Variants in DMD observed in about 807,000 individuals in gnomAD.
The protein encoded by DMD is dystrophin, also known as mutant dystrophin.
In DMD, 63 loss-of-function variants were observed where a neutral mutation model predicts 330.1. The ratio of observed to expected loss-of-function variants is 0.19; its 90% CI spans 0.16 to 0.24. DMD has a LOEUF of 0.24. Among genes scored for constraint, DMD ranks in the 10% least tolerant of loss-of-function variants. The pLI is 1.00. For missense variants in DMD, 3,344 were observed against 2,684.1 expected, an observed-to-expected ratio of 1.25 and a Z score of -5.43; for synonymous variants, 1,223 against 959.8, an observed-to-expected ratio of 1.27 and a Z score of -5.07.
At chrX:31,510,741 C>A (rs1319141882) in intron 55 of DMD, among the ~76,000 whole-genome samples, 1 of 110,190 alleles carries the variant, frequency 9.1e-6, no homozygotes, top group African/African-American at 3.3e-5. Context: ...GATCTCCTGA[C>A]CTCGTGATCC....
At chrX:32,197,000 A>AAAAAAAAAAAAAC (rs1557206020) in intron 44 of DMD, among the ~76,000 whole-genome samples, 1 of 93,901 alleles carries the variant, frequency 1.1e-5, no homozygotes, top group Non-Finnish European at 2.1e-5. Flanking sequence ...AAAAAAAAAA[A>AAAAAAAAAAAAAC]AAAAACAAAA....
At chrX:33,125,203 T>C (rs2095456160) in intron 1 of DMD, among the ~76,000 whole-genome samples, 1 of 110,435 alleles carries the variant, frequency 9.1e-6, no homozygotes, top group Non-Finnish European at 1.9e-5. Flanking sequence ...ATTAGAAATA[T>C]GGTACACTTG....
At chrX:31,598,859 T>G (rs914325507) in intron 55 of DMD, among the ~76,000 whole-genome samples, 30 of 112,205 alleles carry the variant, frequency 2.7e-4, no homozygotes, top group African/African-American at 9.7e-4. Flanking sequence ...TATAATAAAT[T>G]CTTATAAAGT....
chrX:32,621,847 C>A (rs939695945), intron 11 of DMD, among the ~76,000 whole-genome samples: 7 of 111,208 alleles, frequency 6.3e-5, no homozygotes, highest in Admixed American at 2.9e-4. Flanking sequence ...ATCAGCCCAT[C>A]CCCTAGAAAC....
chrX:31,326,461 T>C (rs1320568001), intron 61 of DMD, among the ~76,000 whole-genome samples: 1 of 110,213 alleles, frequency 9.1e-6, no homozygotes, highest in Non-Finnish European at 1.9e-5. Flanking sequence ...AATGGTGAGA[T>C]TCAGTGTATT....
At chrX:31,280,417 C>T (rs1001996462) in intron 62 of DMD, among the ~76,000 whole-genome samples, 4 of 110,829 alleles carry the variant, frequency 3.6e-5, no homozygotes, top group Admixed American at 9.7e-5. Flanking sequence ...GAGAGAAAGA[C>T]GATCAGTGGT....
Position 32,595,800 on chromosome X carries a change from G to A in DMD, c.1559C>T (p.Ser520Phe). 1 of 1,208,895 alleles carries A rather than the reference G, an allele frequency of 8.3e-7. No individual in the cohort carries two copies. The highest frequency in any genetic ancestry group is 1.1e-6 in the Non-Finnish European group (1 of 892,935). The change falls in exon 13 of 79, where the codon TCT becomes TTT. Residue 520 changes from serine to phenylalanine, a missense_variant. Physicochemically the swap from Ser to Phe is radical, Grantham distance 155. Coordinates refer to ENST00000357033, the MANE Select transcript of DMD (RefSeq NM_004006.3). Reference sequence around the variant, plus strand: ...AGCAGCAGTTGCGTGATCTCCACTAGATTCATCAACTACCACCACCATGTG... The same window carrying A: ...AGCAGCAGTTGCGTGATCTCCACTAAATTCATCAACTACCACCACCATGTG... Reference protein sequence around the residue: ...LTHMVVVVDESSGDHATAALE... With the variant: ...LTHMVVVVDEFSGDHATAALE...
At chrX:32,372,898 C>CT (rs1381357719) in intron 34 of DMD, among the ~76,000 whole-genome samples, 1 of 110,444 alleles carries the variant, frequency 9.1e-6, no homozygotes. Flanking sequence ...AAAATATATT[C>CT]TTTTTTTCTG....
chrX:31,580,807 TTC>T (rs928249069), intron 55 of DMD, among the ~76,000 whole-genome samples: 1 of 110,546 alleles, frequency 9.0e-6, no homozygotes, highest in Non-Finnish European at 1.9e-5. Context: ...TAATTTCTCT[TTC>T]TCTCTCTCTC....
At chrX:31,364,908 T>C (rs1416056549) in intron 60 of DMD, among the ~76,000 whole-genome samples, 3 of 109,730 alleles carry the variant, frequency 2.7e-5, no homozygotes, top group Non-Finnish European at 5.7e-5. Context: ...CCATCCTGGC[T>C]AACGGTGAAA....
At position 32,312,941 on chromosome X, in the gene DMD, C is replaced by CAAAAAAAAAAAAAAAAAAAAAAAA. The variant is rs1171543953; in HGVS notation, c.5923-2666_5923-2665insTTTTTTTTTTTTTTTTTTTTTTTT. Among the ~76,000 whole-genome samples the CAAAAAAAAAAAAAAAAAAAAAAAA allele has an allele frequency of 1.4e-3, 27 of 19,167 alleles. 3 individuals carry two copies. Among genetic ancestry groups the CAAAAAAAAAAAAAAAAAAAAAAAA allele is most frequent in the Non-Finnish European group, 2.7e-3 (25 of 9,325 alleles). 16.6% of individuals were successfully genotyped at this position (19,167 alleles called of 115,157 possible). A position where few individuals can be genotyped will look rare whatever the true frequency, so the allele number is the denominator to read the frequency against. ...AATTGAGGCAGTAATAGCCTACGAA[C>CAAAAAAAAAAAAAAAAAAAAAAAA]CAAAAAAAAAAAAAAAAAAAAAAGC... is the stretch of plus-strand genomic sequence containing the variant. On this transcript the variant is annotated intron_variant, in intron 41 of 78. Transcript: ENST00000357033.
intron 1 of DMD, among the ~76,000 whole-genome samples, chrX:33,032,866 C>T (rs2094138837): frequency 8.9e-6 from 1 of 112,139 alleles, no homozygotes; most frequent in African/African-American, 3.2e-5. Flanking sequence ...TCATTCACTC[C>T]CTGTTCACCA....
intron 47 of DMD, among the ~76,000 whole-genome samples, chrX:31,912,940 C>T (rs2094565136): frequency 8.9e-6 from 1 of 112,615 alleles, no homozygotes; most frequent in African/African-American, 3.2e-5. Context: ...GGTGCTTGTT[C>T]TTTTGGAAGG....
rs149003002 is a variant in DMD at position 31,820,048 on chromosome X, C to G, written c.7236G>C (p.Ala2412=). 2 of 1,209,801 alleles carry G rather than the reference C, an allele frequency of 1.7e-6. No homozygotes were observed. Among genetic ancestry groups the G allele is most frequent in the Non-Finnish European group, 1.1e-6 (1 of 894,989 alleles). Residue 2412 remains alanine (A), a synonymous_variant, in exon 50 of 79, where the codon GCG becomes GCC. Transcript: ENST00000357033. ...KLEDLSSEWK[A]VNRLLQELRA... The stretch of plus-strand genomic sequence containing the variant: ...TCAGCTCTTGAAGTAAACGGTTTAC[C>G]GCCTTCCACTCAGAGCTCAGATCTT...
chrX:33,090,968 C>T (rs1018434172), intron 1 of DMD, among the ~76,000 whole-genome samples: 1 of 110,416 alleles, frequency 9.1e-6, no homozygotes, highest in Non-Finnish European at 1.9e-5. Context: ...AGAGGTATGG[C>T]GAGAAGCTGA....
chrX:32,312,942 CAAA>C (rs767993498), intron 41 of DMD, among the ~76,000 whole-genome samples: 3 of 20,404 alleles, frequency 1.5e-4, no homozygotes, highest in Non-Finnish European at 2.9e-4. Context: ...GCCTACGAAC[CAAA>C]AAAAAAAAAA....
intron 17 of DMD, among the ~76,000 whole-genome samples, chrX:32,529,246 G>A (rs2047232088): frequency 1.8e-5 from 2 of 108,598 alleles, no homozygotes; most frequent in Non-Finnish European, 3.8e-5. Flanking sequence ...TTTCTTAAAT[G>A]TACTTGATTG....
At chrX:32,249,989 C>CT (rs370376083) in intron 43 of DMD, among the ~76,000 whole-genome samples, 2 of 110,885 alleles carry the variant, frequency 1.8e-5, no homozygotes, top group African/African-American at 3.3e-5. Flanking sequence ...TAATGTCCCA[C>CT]TTTTTTTGCA....
At chrX:31,991,384 G>GA (rs1372166624) in intron 44 of DMD, among the ~76,000 whole-genome samples, 46 of 110,439 alleles carry the variant, frequency 4.2e-4, no homozygotes, top group African/African-American at 1.4e-3. Context: ...TAAGAACTTG[G>GA]AAAAAAAAGA....
Sources: allele counts gnomAD v4.1 joint callset (sites outside exome capture counted in the v4.1 genomes callset), GRCh38; gene constraint gnomAD v4.1.1; transcripts MANE v1.5; gene names NCBI Gene and HGNC (gene_info 2026-07-23, HGNC 2026-07-21).